The following AGBL4 variants were observed in gnomAD, a reference collection of about 807,000 sequenced individuals.
AGBL4 encodes cytosolic carboxypeptidase 6.
Under a neutral mutation model 66.4 loss-of-function variants are expected in AGBL4, and 58 were observed. The ratio of observed to expected loss-of-function variants is 0.87; its 90% CI spans 0.71 to 1.09. AGBL4 has a LOEUF of 1.09. AGBL4 is among the 50% of genes least tolerant of loss of function. The probability of loss-of-function intolerance (pLI) is 0.00; values close to 1 mark genes in which losing one functional copy is unlikely to be tolerated. For missense variants in AGBL4, 579 were observed against 631.0 expected, an observed-to-expected ratio of 0.92 and a Z score of 0.88; for synonymous variants, 234 against 222.9, an observed-to-expected ratio of 1.05 and a Z score of -0.44.
At chr1:49,846,235 G>C (rs1646139168) in intron 2 of AGBL4, 1 of 1,462,706 alleles carries the variant, frequency 6.8e-7, no homozygotes, top group East Asian at 2.3e-5. Flanking sequence ...CTGGGGAAAA[G>C]CCTTATGAGT....
chr1:49,775,848 G>C (rs1275833307), intron 2 of AGBL4, among the ~76,000 whole-genome samples: 1 of 152,060 alleles, frequency 6.6e-6, no homozygotes, highest in Non-Finnish European at 1.5e-5. Context: ...GAGGGGAAAA[G>C]TAAAAGATTT....
rs550755770 is a variant in AGBL4, at chr1:48,532,946, T to C, written c.*1227A>G. On this transcript the variant is annotated 3_prime_UTR_variant, in exon 14 of 14. Coordinates refer to ENST00000371839, the MANE Select transcript of AGBL4 (RefSeq NM_032785.4). ...ATGACATTTGTAGCCAATCAACATA[T>C]GGCTCTTTGTCATCATTTCTGAAAA... The C allele has an allele frequency of 2.6e-5, 4 of 152,368 alleles. No homozygotes were observed. Among genetic ancestry groups the C allele is most frequent in the East Asian group, 1.9e-4 (1 of 5,178 alleles). The allele number at this position is 152,368 out of a possible 1,614,324, so 9.4% of individuals were successfully genotyped here.
chr1:49,333,250 C>A (rs923145706), intron 3 of AGBL4, among the ~76,000 whole-genome samples: 1 of 152,052 alleles, frequency 6.6e-6, no homozygotes. Flanking sequence ...GAGGCCAAGG[C>A]GGGTGGATCA....
At chr1:49,022,331 T>G (rs908444105) in intron 5 of AGBL4, among the ~76,000 whole-genome samples, 2 of 150,958 alleles carry the variant, frequency 1.3e-5, no homozygotes, top group Non-Finnish European at 3.0e-5. Context: ...AAGGTAGAAT[T>G]CTTAGGTTCC....
chr1:48,648,411 C>T lies in AGBL4; in HGVS notation c.839+4926G>A, dbSNP rs576869598. 1.1e-4 allele frequency among the ~76,000 whole-genome samples: 16 copies of T among 152,292 alleles called. No homozygotes were observed. The East Asian group carries it at 2.1e-3, about 20-fold the overall frequency. Reference sequence around the variant, plus strand: ...CATTCTTGATAGAGCCTCTCCCCCGCGCTTCTACTAAATGATGGAAGGTGC... The same window carrying T: ...CATTCTTGATAGAGCCTCTCCCCCGTGCTTCTACTAAATGATGGAAGGTGC... On this transcript the variant is annotated intron_variant, in intron 8 of 13. Coordinates refer to ENST00000371839, the MANE Select transcript of AGBL4 (RefSeq NM_032785.4).
At chr1:49,950,491 A>G (rs1355487578) in intron 1 of AGBL4, among the ~76,000 whole-genome samples, 1 of 151,734 alleles carries the variant, frequency 6.6e-6, no homozygotes, top group Non-Finnish European at 1.5e-5. Flanking sequence ...CCAAAATCTC[A>G]CAAATCACCA....
chr1:49,575,091 T>C (rs1644409723), intron 3 of AGBL4, among the ~76,000 whole-genome samples: 1 of 152,268 alleles, frequency 6.6e-6, no homozygotes, highest in Admixed American at 6.5e-5. Flanking sequence ...AAGAGACCAC[T>C]GGCATTTTGT....
At chr1:49,532,374 T>C (rs866270972) in intron 3 of AGBL4, among the ~76,000 whole-genome samples, 6 of 152,160 alleles carry the variant, frequency 3.9e-5, no homozygotes, top group Admixed American at 6.5e-5. Context: ...TTCAAATTCA[T>C]GTTTTTGTGA....
At chr1:49,679,224 G>T (rs1290042032) in intron 3 of AGBL4, among the ~76,000 whole-genome samples, 1 of 152,068 alleles carries the variant, frequency 6.6e-6, no homozygotes, top group African/African-American at 2.4e-5. Context: ...TTTGTTGTTT[G>T]ATACATACAC....
rs1001622461 is a variant in AGBL4, at chr1:49,802,261, G to A, written c.157+49135C>T. On this transcript the variant is annotated intron_variant, in intron 2 of 13. Transcript: ENST00000371839. ...TGGAGAGCCTATAAACAGACACATC[G>A]GGGGGGGTCGCCTGTCTATATGGAT... Among the ~76,000 whole-genome samples, 15 of 131,170 alleles carry A rather than the reference G, an allele frequency of 1.1e-4. No individual in the cohort carries two copies. The South Asian group carries it at 1.9e-3, about 16-fold the overall frequency. 86.1% of individuals were successfully genotyped at this position (131,170 alleles called of 152,430 possible). A position where few individuals can be genotyped will look rare whatever the true frequency, so the allele number is the denominator to read the frequency against.
intron 3 of AGBL4, among the ~76,000 whole-genome samples, chr1:49,539,554 T>C (rs1651849716): frequency 6.6e-6 from 1 of 152,202 alleles, no homozygotes; most frequent in Admixed American, 6.5e-5. Flanking sequence ...CCCTTGACCT[T>C]TGAATCTTCT....
At chr1:48,680,277 G>A (rs1166654771) in intron 6 of AGBL4, among the ~76,000 whole-genome samples, 1 of 152,172 alleles carries the variant, frequency 6.6e-6, no homozygotes, top group Non-Finnish European at 1.5e-5. Context: ...TCTAATTAAT[G>A]TGCAGCACAA....
At chr1:49,240,329 C>A (rs1193761970) in intron 4 of AGBL4, among the ~76,000 whole-genome samples, 4 of 151,998 alleles carry the variant, frequency 2.6e-5, no homozygotes, top group African/African-American at 9.7e-5. Flanking sequence ...GTCTCCATTT[C>A]TTCATACATT....
rs1361564176 is a variant in AGBL4, at chr1:48,823,691, T to A, written c.634+43500A>T. Among the ~76,000 whole-genome samples the A allele has an allele frequency of 2.6e-5, 4 of 152,360 alleles. No individual in the cohort carries two copies. In the East Asian group the frequency reaches 7.7e-4, roughly 29 times the overall value. On this transcript the variant is annotated intron_variant, in intron 6 of 13. Coordinates refer to ENST00000371839, the MANE Select transcript of AGBL4 (RefSeq NM_032785.4). ...TGCATTGCTTCACTTCTCCTTGTCC[T>A]CCTTTAGACTTTCTCTAGGTCAGGA...
chr1:49,635,085 T>A (rs1645645699), intron 3 of AGBL4, among the ~76,000 whole-genome samples: 1 of 152,102 alleles, frequency 6.6e-6, no homozygotes, highest in African/African-American at 2.4e-5. Flanking sequence ...TGAAAGAAAA[T>A]CAGCAAAGCT....
chr1:49,824,243 C>G (rs1352923165), intron 2 of AGBL4, among the ~76,000 whole-genome samples: 1 of 151,940 alleles, frequency 6.6e-6, no homozygotes, highest in African/African-American at 2.4e-5. Context: ...AGGTAAGATG[C>G]ATGGGAAACC....
chr1:49,741,100 A>G (rs1237066155), intron 2 of AGBL4, among the ~76,000 whole-genome samples: 1 of 152,200 alleles, frequency 6.6e-6, no homozygotes, highest in African/African-American at 2.4e-5. Flanking sequence ...CAAAAAATCA[A>G]TGAACCCAGG....
At chr1:49,868,594 TAC>T (rs1334363349) in intron 1 of AGBL4, among the ~76,000 whole-genome samples, 1 of 152,036 alleles carries the variant, frequency 6.6e-6, no homozygotes, top group Non-Finnish European at 1.5e-5. Context: ...TTACACCTTA[TAC>T]AAAAAATAAC....
At chr1:50,012,106 C>T (rs1198758311) in intron 1 of AGBL4, among the ~76,000 whole-genome samples, 2 of 143,478 alleles carry the variant, frequency 1.4e-5, no homozygotes, top group South Asian at 2.2e-4. Flanking sequence ...TTGCAGTGAG[C>T]GGAGATTGCG....
Sources: gnomAD v4.1 joint callset for allele counts (sites outside exome capture counted in the v4.1 genomes callset) on GRCh38, gnomAD v4.1.1 for gene constraint, MANE v1.5 for transcripts, NCBI Gene and HGNC (gene_info 2026-07-23, HGNC 2026-07-21) for gene names.